TBC1D30: variants seen among roughly 807,000 people sequenced by gnomAD.
TBC1D30 encodes the protein TBC1 domain family member 30.
A neutral mutation model predicts 63.2 loss-of-function variants in TBC1D30; 31 were observed. The ratio of observed to expected loss-of-function variants is 0.49; its 90% CI spans 0.37 to 0.66. The LOEUF is 0.66. Among genes scored for constraint, TBC1D30 ranks in the 30% least tolerant of loss-of-function variants. The pLI is 0.00. For missense variants in TBC1D30, 810 were observed against 953.6 expected (o/e 0.85, Z 1.98); for synonymous variants, 307 against 361.5 (o/e 0.85, Z 1.71).
At chr12:64,840,027 A>AAAAC (rs1555171793) in intron 7 of TBC1D30, among the ~76,000 whole-genome samples, 5 of 145,890 alleles carry the variant, frequency 3.4e-5, no homozygotes, top group African/African-American at 1.0e-4. Flanking sequence ...AAAAAAAAAA[A>AAAAC]ATCCACCAAC....
At chr12:64,802,930 T>C (rs1872665616) in intron 2 of TBC1D30, among the ~76,000 whole-genome samples, 1 of 152,220 alleles carries the variant, frequency 6.6e-6, no homozygotes, top group African/African-American at 2.4e-5. Context: ...AAGTCTTTGC[T>C]ATTGTGAATA....
At chr12:64,853,914 CAG>C (rs771267367) in intron 8 of TBC1D30, among the ~76,000 whole-genome samples, 1 of 152,218 alleles carries the variant, frequency 6.6e-6, no homozygotes, top group Non-Finnish European at 1.5e-5. Flanking sequence ...CTGGGAGCTG[CAG>C]ACTGGAGCTG....
At position 64,838,867 on chromosome 12, in the gene TBC1D30, C is replaced by G. The variant is rs1015229384; in HGVS notation, c.932+16C>G. On this transcript the variant is annotated intron_variant, in intron 7 of 11. Coordinates refer to ENST00000539867, the MANE Select transcript of TBC1D30 (RefSeq NM_015279.2). ...AATTAGGAGAGTAAGTGATTTCCAC[C>G]TTCTGCTCTGTTCTGTGATGTTGAG... is the stretch of plus-strand genomic sequence containing the variant. 15 of 1,535,438 alleles carry G rather than the reference C, an allele frequency of 9.8e-6. No homozygotes were observed. The Admixed American group carries it at 1.6e-4, about 16-fold the overall frequency.
At chr12:64,858,425 C>T (rs2136443240) in intron 8 of TBC1D30, among the ~76,000 whole-genome samples, 1 of 152,210 alleles carries the variant, frequency 6.6e-6, no homozygotes. Flanking sequence ...AGCTCAGGGC[C>T]CATGGCATAC....
At chr12:64,759,792 G>A (rs1469163423) in intron 1 of TBC1D30, 1 of 159,148 alleles carries the variant, frequency 6.3e-6, no homozygotes, top group Non-Finnish European at 1.4e-5. Flanking sequence ...GATAAAGGAA[G>A]AGAAAGGAGG....
rs533874102 is a variant in TBC1D30, at chr12:64,772,252, A to G, written c.-376+12603A>G. ...AACTCTGTCTCAAAAAAAAAAAAAA[A>G]AAAAAAGGAATAGGCACAAAGTATG... On this transcript the variant is annotated intron_variant, in intron 1 of 13. Transcript: ENST00000674237. Among the ~76,000 whole-genome samples the G allele has an allele frequency of 2.5e-3, 384 of 151,878 alleles. 1 individual carries two copies. The highest frequency in any genetic ancestry group is 7.6e-3 in the African/African-American group (314 of 41,416).
intron 5 of TBC1D30, among the ~76,000 whole-genome samples, chr12:64,834,865 A>AT (rs796610371): frequency 2.1e-3 from 315 of 149,256 alleles, no homozygotes; most frequent in East Asian, 0.021. Flanking sequence ...TAATTGAAGA[A>AT]TTTTTTTTTT....
Position 64,838,782 on chromosome 12 carries a change from A to C in TBC1D30, c.863A>C (p.Asp288Ala). 6.5e-7 allele frequency: 1 copy of C among 1,536,296 alleles called. No homozygotes were observed. Among genetic ancestry groups the C allele is most frequent in the South Asian group, 1.2e-5 (1 of 84,064 alleles). Residue 288 changes from aspartate (D) to alanine (A), a missense_variant, in exon 7 of 12, where the codon GAT becomes GCT. Physicochemically the swap from Asp to Ala is moderately radical, Grantham distance 126. Around this residue, in one of 4 missense-constraint regions of TBC1D30, gnomAD observed 83 missense variants for 121.5 expected, o/e 0.68. Coordinates refer to ENST00000539867, the MANE Select transcript of TBC1D30 (RefSeq NM_015279.2). ...LPNQTVLKIW[D>A]SVFFEGSEII... ...AATCAGACCGTTTTAAAGATCTGGG[A>C]TTCAGTCTTCTTTGAAGGTTCAGAA...
chr12:64,804,824 A>C (rs1443312454), intron 2 of TBC1D30, among the ~76,000 whole-genome samples: 1 of 152,074 alleles, frequency 6.6e-6, no homozygotes. Context: ...CAAAAGGTAT[A>C]CGGGGCTCAA....
rs1318283098 is a variant in TBC1D30 at position 64,836,537 on chromosome 12, C to G, written c.642C>G (p.Val214=). The change falls in exon 6 of 12, where the codon GTC becomes GTG. Residue 214 remains valine, a synonymous_variant. Transcript: ENST00000539867. ...AGGTACTTCCCGAAAGCTATTTCGT[C>G]AATAATCTCCGGGCATTGTCTGTGG... is the stretch of plus-strand genomic sequence containing the variant. ...IDKVLPESYF[V]NNLRALSVDM... is the part of the protein sequence containing the mutation. 2 of 1,535,782 alleles carry G rather than the reference C, an allele frequency of 1.3e-6. No individual in the cohort carries two copies. The highest frequency in any genetic ancestry group is 1.7e-6 in the Non-Finnish European group (2 of 1,146,824).
intron 2 of TBC1D30, among the ~76,000 whole-genome samples, chr12:64,817,105 G>GT (rs1311323902): frequency 6.6e-6 from 1 of 152,180 alleles, no homozygotes; most frequent in Non-Finnish European, 1.5e-5. Flanking sequence ...TACCAAGTGA[G>GT]TGAGGGCACT....
chr12:64,870,336 T>C lies in TBC1D30; in HGVS notation c.1292-266T>C, dbSNP rs558370412. 2.0e-5 allele frequency among the ~76,000 whole-genome samples: 3 copies of C among 152,350 alleles called. No individual in the cohort carries two copies. The South Asian group carries it at 6.2e-4, about 32-fold the overall frequency. ...ATCTGGAAGCAGTTGATGTTATGTC[T>C]ATATAGCTAACAAACTGGTAACAAA... On this transcript the variant is annotated intron_variant, in intron 10 of 11. Transcript: ENST00000539867.
At chr12:64,834,404 C>CTTTTT (rs34733475) in intron 5 of TBC1D30, among the ~76,000 whole-genome samples, 2 of 120,304 alleles carry the variant, frequency 1.7e-5, no homozygotes, top group African/African-American at 6.0e-5. Flanking sequence ...TTAGCCAAAT[C>CTTTTT]TTTTTTTTTT....
upstream of TBC1D30, among the ~76,000 whole-genome samples, chr12:64,823,995 A>AT (rs942196854): frequency 3.4e-5 from 5 of 148,298 alleles, no homozygotes; most frequent in Non-Finnish European, 7.4e-5. Context: ...GTATCTTTAT[A>AT]TCCCCCCCCC....
chr12:64,838,599 G>A (rs1014932594), intron 6 of TBC1D30, 84 bp from the exon 7 acceptor site: 3 of 1,315,234 alleles, frequency 2.3e-6, no homozygotes, highest in Admixed American at 2.3e-5. Flanking sequence ...AAATTTGAGT[G>A]GACATGGAAG....
rs1174369150 is a variant in TBC1D30 at position 64,832,384 on chromosome 12, G to A, written c.594+80G>A. ...GGAACCATAATTTCTCTTCCTTGAT[G>A]TCTCATCCTTTTCCAAGGTGTTTGC... On this transcript the variant is annotated intron_variant, in intron 5 of 11. Transcript: ENST00000539867. 6 of 1,375,364 alleles carry A rather than the reference G, an allele frequency of 4.4e-6. No individual in the cohort carries two copies. The African/African-American group carries it at 5.7e-5, about 13-fold the overall frequency. The allele number at this position is 1,375,364 out of a possible 1,614,324, so 85.2% of individuals were successfully genotyped here.
At chr12:64,811,341 A>G (rs1401998022) in intron 2 of TBC1D30, among the ~76,000 whole-genome samples, 3 of 152,204 alleles carry the variant, frequency 2.0e-5, no homozygotes, top group Non-Finnish European at 2.9e-5. Flanking sequence ...ATGGCACAAA[A>G]ATTATTCAAG....
At chr12:64,856,313 C>T (rs569920006) in intron 8 of TBC1D30, among the ~76,000 whole-genome samples, 1 of 152,254 alleles carries the variant, frequency 6.6e-6, no homozygotes, top group African/African-American at 2.4e-5. Context: ...CAGGCCCCAC[C>T]TCCAACATTG....
intron 1 of TBC1D30, among the ~76,000 whole-genome samples, chr12:64,785,386 A>G (rs1045978852): frequency 6.6e-6 from 1 of 151,748 alleles, no homozygotes; most frequent in African/African-American, 2.4e-5. Context: ...GACCTCAGGT[A>G]ATCTGCCCTC....
Sources: gnomAD v4.1 joint callset for allele counts (sites outside exome capture counted in the v4.1 genomes callset) on GRCh38, gnomAD v4.1.1 for gene constraint, gnomAD v4.1.1 regional missense constraint, MANE v1.5 for transcripts, NCBI Gene and HGNC (gene_info 2026-07-23, HGNC 2026-07-21) for gene names.